The following RFX3 variants were observed in gnomAD, a reference collection of about 807,000 sequenced individuals.
RFX3 encodes transcription factor RFX3.
A neutral mutation model predicts 98.6 loss-of-function variants in RFX3; 14 were observed. The observed-to-expected ratio is 0.14, with a 90% confidence interval of 0.09 to 0.22. The LOEUF (loss-of-function observed/expected upper bound fraction) is 0.22, where lower values mean the gene tolerates loss of function less well. RFX3 is among the 10% of genes least tolerant of loss of function. RFX3 has a pLI of 1.00. For synonymous variants in RFX3, 383 were observed against 328.4 expected, an observed-to-expected ratio of 1.17 and a Z score of -1.80; for missense variants, 639 against 926.9, an observed-to-expected ratio of 0.69 and a Z score of 4.03.
chr9:3,341,963 A>G (rs915661994), intron 3 of RFX3, among the ~76,000 whole-genome samples: 1 of 152,208 alleles, frequency 6.6e-6, no homozygotes, highest in Non-Finnish European at 1.5e-5. Context: ...GCAAATATCG[A>G]AATTTCACAT....
chr9:3,356,402 T>C (rs962642262), intron 2 of RFX3, among the ~76,000 whole-genome samples: 1 of 151,652 alleles, frequency 6.6e-6, no homozygotes, highest in Non-Finnish European at 1.5e-5. Flanking sequence ...ACAACTAAGA[T>C]GAAATGGAAA....
At chr9:3,291,998 A>G (rs1439364535) in intron 6 of RFX3, among the ~76,000 whole-genome samples, 1 of 132,532 alleles carries the variant, frequency 7.5e-6, no homozygotes, top group African/African-American at 2.8e-5. Context: ...CAGAGGTTGC[A>G]GTGAGCTGAG....
intron 2 of RFX3, among the ~76,000 whole-genome samples, chr9:3,379,292 A>G (rs2131671007): frequency 6.6e-6 from 1 of 152,348 alleles, no homozygotes; most frequent in South Asian, 2.1e-4. Context: ...TCTAGATAGG[A>G]CAATCAAGAA....
intron 3 of RFX3, among the ~76,000 whole-genome samples, chr9:3,340,945 A>G (rs148198407): frequency 1.3e-5 from 2 of 152,226 alleles, no homozygotes; most frequent in Non-Finnish European, 2.9e-5. Context: ...CTATAAAGAC[A>G]CATGCACACA....
intron 7 of RFX3, among the ~76,000 whole-genome samples, 173 bp downstream of exon 7, chr9:3,287,958 G>A (rs955456949): frequency 1.8e-4 from 27 of 151,960 alleles, no homozygotes; most frequent in Non-Finnish European, 3.1e-4. Context: ...TAAAAATTTG[G>A]AAAACAGGCG....
At chr9:3,265,515 C>T (rs1190324056) in intron 12 of RFX3, among the ~76,000 whole-genome samples, 2 of 152,096 alleles carry the variant, frequency 1.3e-5, no homozygotes, top group African/African-American at 4.8e-5. Flanking sequence ...CAAGAAGTCA[C>T]AAATGTGATT....
intron 15 of RFX3, among the ~76,000 whole-genome samples, chr9:3,236,258 A>C (rs1819139479): frequency 6.6e-6 from 1 of 152,204 alleles, no homozygotes; most frequent in African/African-American, 2.4e-5. Flanking sequence ...TTCAAGGCCT[A>C]GGCTGTTGAC....
At position 3,406,751 on chromosome 9, in the gene RFX3, A is replaced by T. The variant is rs147206778; in HGVS notation, c.-8-11155T>A. Among the ~76,000 whole-genome samples the T allele has an allele frequency of 1.2e-4, 18 of 152,310 alleles. No homozygotes were observed. In the East Asian group the frequency reaches 3.5e-3, roughly 29 times the overall value. ...ATAATTGTATATTACAGACATTTTT[A>T]ATCAAATTATTGTGTTTTTTCTTAA... On this transcript the variant is annotated intron_variant, in intron 1 of 16. Coordinates refer to ENST00000617270, the MANE Select transcript of RFX3 (RefSeq NM_001282116.2).
chr9:3,279,989 A>G (rs969832003), intron 7 of RFX3, among the ~76,000 whole-genome samples: 2 of 151,780 alleles, frequency 1.3e-5, no homozygotes, highest in African/African-American at 4.8e-5. Flanking sequence ...AGTACTTAGG[A>G]AAAGATTTTA....
At chr9:3,357,328 A>G (rs1835898385) in intron 2 of RFX3, among the ~76,000 whole-genome samples, 1 of 152,008 alleles carries the variant, frequency 6.6e-6, no homozygotes, top group African/African-American at 2.4e-5. Context: ...TTTTCTCTAC[A>G]TAAATTATCT....
At chr9:3,380,313 C>T (rs1382940255) in intron 2 of RFX3, among the ~76,000 whole-genome samples, 1 of 152,194 alleles carries the variant, frequency 6.6e-6, no homozygotes, top group Non-Finnish European at 1.5e-5. Context: ...GAAAGTTTCC[C>T]ACAGCTTCCT....
chr9:3,294,701 A>G lies in RFX3; in HGVS notation c.550-1443T>C, dbSNP rs187117660. Reference sequence around the variant, plus strand: ...AACCATTTTAATGTCAAATATTCCTACATGATGTTTATGTAATTAAACTTA... The same window carrying G: ...AACCATTTTAATGTCAAATATTCCTGCATGATGTTTATGTAATTAAACTTA... On this transcript the variant is annotated intron_variant, in intron 5 of 16. Transcript: ENST00000617270. 2.0e-3 allele frequency among the ~76,000 whole-genome samples: 300 copies of G among 152,286 alleles called. 1 individual carries two copies. The highest frequency in any genetic ancestry group is 7.1e-3 in the African/African-American group (297 of 41,584).
At chr9:3,274,541 G>A (rs1240879833) in intron 9 of RFX3, among the ~76,000 whole-genome samples, 2 of 152,030 alleles carry the variant, frequency 1.3e-5, no homozygotes, top group East Asian at 3.9e-4. Context: ...ATTCTGATGT[G>A]GGATACTCAG....
At chr9:3,246,303 G>C (rs1431540672) in intron 15 of RFX3, among the ~76,000 whole-genome samples, 1 of 150,014 alleles carries the variant, frequency 6.7e-6, no homozygotes, top group African/African-American at 2.5e-5. Context: ...AAAAAAAAAA[G>C]AATAACTATT....
intron 1 of RFX3, chr9:3,469,128 AGG>A (rs1180358552): frequency 2.2e-6 from 1 of 453,706 alleles, no homozygotes; most frequent in East Asian, 7.0e-5. Flanking sequence ...CAGATGATCA[AGG>A]GATAAATTCT....
chr9:3,291,827 C>T (rs1171812496), intron 6 of RFX3, among the ~76,000 whole-genome samples: 1 of 151,612 alleles, frequency 6.6e-6, no homozygotes, highest in African/African-American at 2.4e-5. Context: ...CTTTGGGAGG[C>T]CGAGGCAGGT....
intron 1 of RFX3, among the ~76,000 whole-genome samples, chr9:3,456,742 A>C (rs190544205): frequency 6.6e-6 from 1 of 152,218 alleles, no homozygotes; most frequent in Admixed American, 6.5e-5. Flanking sequence ...TACTCCACCT[A>C]CATGGGGAAA....
chr9:3,281,566 C>T (rs1441057308), intron 7 of RFX3, among the ~76,000 whole-genome samples: 1 of 151,640 alleles, frequency 6.6e-6, no homozygotes, highest in African/African-American at 2.4e-5. Context: ...AATGAAACAG[C>T]ACTTGGTTTC....
chr9:3,260,317 G>T (rs997412575), intron 13 of RFX3, among the ~76,000 whole-genome samples: 3 of 151,944 alleles, frequency 2.0e-5, no homozygotes, highest in African/African-American at 7.2e-5. Context: ...CTTAAAGTTG[G>T]CAGGTAGAGG....
Sources: gnomAD v4.1 joint callset for allele counts (sites outside exome capture counted in the v4.1 genomes callset) on GRCh38, gnomAD v4.1.1 for gene constraint, MANE v1.5 for transcripts, NCBI Gene and HGNC (gene_info 2026-07-23, HGNC 2026-07-21) for gene names.